The following NALCN variants were observed in gnomAD, a reference collection of about 807,000 sequenced individuals.
NALCN encodes the protein sodium leak channel NALCN.
Under a neutral mutation model 225.3 loss-of-function variants are expected in NALCN, and 111 were observed. The observed-to-expected ratio is 0.49, with a 90% CI of 0.42 to 0.58. The LOEUF (loss-of-function observed/expected upper bound fraction) is 0.58. NALCN is among the 20% of genes least tolerant of loss of function. The pLI is 0.00. For synonymous variants in NALCN, 764 were observed against 769.0 expected, an observed-to-expected ratio of 0.99 and a Z score of 0.11; for missense variants, 1,378 against 2,202.4, an observed-to-expected ratio of 0.63 and a Z score of 7.49.
At chr13:101,118,135 T>A (rs1198182266) in intron 18 of NALCN, among the ~76,000 whole-genome samples, 2 of 152,150 alleles carry the variant, frequency 1.3e-5, no homozygotes, top group Non-Finnish European at 2.9e-5. Flanking sequence ...TGTACCACTC[T>A]GATGGGGATG....
intron 13 of NALCN, among the ~76,000 whole-genome samples, chr13:101,222,150 C>T (rs1000830043): frequency 6.6e-6 from 1 of 152,150 alleles, no homozygotes; most frequent in Non-Finnish European, 1.5e-5. Context: ...TTTTTCAAAA[C>T]AACTAGACCC....
At chr13:101,075,786 C>T in intron 35 of NALCN, 87 bp downstream of exon 35, 1 of 1,095,104 alleles carries the variant, frequency 9.1e-7, no homozygotes, top group Non-Finnish European at 1.3e-6. Context: ...CCCTAAATAA[C>T]CGAGGTAAGG....
At chr13:101,136,878 G>A (rs1037289804) in intron 17 of NALCN, among the ~76,000 whole-genome samples, 50 of 152,260 alleles carry the variant, frequency 3.3e-4, no homozygotes, top group Admixed American at 2.4e-3. Flanking sequence ...GGAATAGCAC[G>A]CTGTCTTCCA....
chr13:101,076,497 T>A (rs566014991), intron 34 of NALCN, among the ~76,000 whole-genome samples: 1 of 152,312 alleles, frequency 6.6e-6, no homozygotes, highest in East Asian at 1.9e-4. Flanking sequence ...AAGCTTCATT[T>A]GAGAAACAAA....
chr13:101,190,149 A>G (rs940991067), intron 14 of NALCN, among the ~76,000 whole-genome samples: 2 of 152,222 alleles, frequency 1.3e-5, no homozygotes, highest in Non-Finnish European at 2.9e-5. Flanking sequence ...AGAATCAAAC[A>G]TATATCTGAG....
intron 3 of NALCN, among the ~76,000 whole-genome samples, chr13:101,393,339 C>T (rs2047196800): frequency 6.6e-6 from 1 of 152,140 alleles, no homozygotes; most frequent in Non-Finnish European, 1.5e-5. Flanking sequence ...GAAAGAAGCA[C>T]CTGTGCGCAT....
chr13:101,162,671 T>C (rs2038245522), intron 15 of NALCN, among the ~76,000 whole-genome samples: 1 of 152,240 alleles, frequency 6.6e-6, no homozygotes, highest in Non-Finnish European at 1.5e-5. Flanking sequence ...CCACTGCCTG[T>C]GACAGGATCT....
At chr13:101,240,470 T>C (rs1228101494) in intron 11 of NALCN, among the ~76,000 whole-genome samples, 1 of 152,050 alleles carries the variant, frequency 6.6e-6, no homozygotes, top group Non-Finnish European at 1.5e-5. Context: ...TAGATTCTTC[T>C]ATTAATTCTA....
chr13:101,315,024 T>C (rs1053480471), intron 7 of NALCN, among the ~76,000 whole-genome samples: 1 of 152,244 alleles, frequency 6.6e-6, no homozygotes, highest in African/African-American at 2.4e-5. Context: ...GGGTTAACGA[T>C]GGAGAGAGGC....
chr13:101,271,780 T>C (rs553868619), intron 10 of NALCN, among the ~76,000 whole-genome samples: 1 of 151,844 alleles, frequency 6.6e-6, no homozygotes, highest in South Asian at 2.1e-4. Context: ...AGCGTGTGTA[T>C]GCATGTCTGT....
intron 7 of NALCN, among the ~76,000 whole-genome samples, chr13:101,297,358 G>A (rs562472865): frequency 6.6e-6 from 1 of 152,330 alleles, no homozygotes; most frequent in Admixed American, 6.5e-5. Flanking sequence ...GAATGAGTCA[G>A]TACCCAAGGG....
In NALCN at chr13:101,395,269, AC is replaced by A; in HGVS notation, c.204del (p.Gln68HisfsTer3). On this transcript the variant is annotated frameshift_variant, in exon 3 of 44. Coordinates refer to ENST00000251127, the MANE Select transcript of NALCN (RefSeq NM_052867.4). LOFTEE classifies it high-confidence loss of function. ...PMTFEHYPPL[Q>X]YVTFTLDTLL... ...AATGTATCCAAAGTGAAGGTCACATACTGAAGTGGAGGATAGTGCTCGAAGG... is the reference window on the plus strand; with the variant it reads ...AATGTATCCAAAGTGAAGGTCACATATGAAGTGGAGGATAGTGCTCGAAGG... The A allele has an allele frequency of 6.2e-7, 1 of 1,614,126 alleles. No individual in the cohort carries two copies. Among genetic ancestry groups the A allele is most frequent in the South Asian group, 1.1e-5 (1 of 91,078 alleles).
intron 1 of NALCN, among the ~76,000 whole-genome samples, chr13:101,402,039 A>G (rs967137819): frequency 6.6e-6 from 1 of 152,166 alleles, no homozygotes; most frequent in Admixed American, 6.5e-5. Context: ...CAGCAGACCT[A>G]TTATTTCTCT....
chr13:101,124,754 A>G lies in NALCN; in HGVS notation c.2119-73T>C, dbSNP rs972935426. 5 of 1,181,034 alleles carry G rather than the reference A, an allele frequency of 4.2e-6. No individual in the cohort carries two copies. The African/African-American group carries it at 7.6e-5, about 18-fold the overall frequency. 73.2% of individuals were successfully genotyped at this position (1,181,034 alleles called of 1,614,324 possible). A position where few individuals can be genotyped will look rare whatever the true frequency, so the allele number is the denominator to read the frequency against. ...AATATACTGTCAAATCATTCAATAGATGACATTGTTAAAACATGAAACATG... is the reference window on the plus strand; with the variant it reads ...AATATACTGTCAAATCATTCAATAGGTGACATTGTTAAAACATGAAACATG... On this transcript the variant is annotated intron_variant, in intron 17 of 43. Coordinates refer to ENST00000251127, the MANE Select transcript of NALCN (RefSeq NM_052867.4).
chr13:101,186,477 G>A lies in NALCN; in HGVS notation c.1764+5440C>T, dbSNP rs1011711617. 3.3e-5 allele frequency among the ~76,000 whole-genome samples: 5 copies of A among 152,158 alleles called. 1 individual carries two copies. Among genetic ancestry groups the A allele is most frequent in the Admixed American group, 3.3e-4 (5 of 15,288 alleles). On this transcript the variant is annotated intron_variant, in intron 14 of 43. Transcript: ENST00000251127. ...CCATTACAGTAACTGTTAGTCTAAG[G>A]GTACAAAGGAAAAGAGAAACAACTG...
chr13:101,063,551 A>G (rs2032130409), intron 40 of NALCN, among the ~76,000 whole-genome samples: 2 of 152,228 alleles, frequency 1.3e-5, no homozygotes, highest in African/African-American at 4.8e-5. Flanking sequence ...ATTTGCCACT[A>G]GGAGGAAAGA....
At chr13:101,238,778 T>C (rs1478112187) in intron 11 of NALCN, among the ~76,000 whole-genome samples, 2 of 152,086 alleles carry the variant, frequency 1.3e-5, no homozygotes, top group Middle Eastern at 3.4e-3. Context: ...GATAGGAATA[T>C]AGCAGACCTT....
chr13:101,356,062 T>C (rs888718094), intron 6 of NALCN, among the ~76,000 whole-genome samples: 1 of 152,102 alleles, frequency 6.6e-6, no homozygotes, highest in African/African-American at 2.4e-5. Flanking sequence ...AGAAGGAAAT[T>C]TATAGTACTA....
At chr13:101,312,524 T>G (rs1036172490) in intron 7 of NALCN, among the ~76,000 whole-genome samples, 1 of 152,012 alleles carries the variant, frequency 6.6e-6, no homozygotes, top group East Asian at 1.9e-4. Flanking sequence ...CTCTACACAC[T>G]GCTTTGAATG....
Sources: gnomAD v4.1 joint callset for allele counts (sites outside exome capture counted in the v4.1 genomes callset) on GRCh38, gnomAD v4.1.1 for gene constraint, MANE v1.5 for transcripts, NCBI Gene and HGNC (gene_info 2026-07-23, HGNC 2026-07-21) for gene names.